IGSF21: variants seen among roughly 807,000 people sequenced by gnomAD.
IGSF21 encodes the protein immunoglobin superfamily member 21.
Under a neutral mutation model 46.8 loss-of-function variants are expected in IGSF21, and 28 were observed. The observed-to-expected ratio is 0.60, with a 90% confidence interval of 0.44 to 0.82. The LOEUF (loss-of-function observed/expected upper bound fraction) is 0.82, where lower values mean the gene tolerates loss of function less well. Among genes scored for constraint, IGSF21 ranks in the 40% least tolerant of loss-of-function variants. IGSF21 has a pLI of 0.00. For missense variants in IGSF21, 624 were observed against 665.5 expected, an observed-to-expected ratio of 0.94 and a Z score of 0.69; for synonymous variants, 284 against 273.6, an observed-to-expected ratio of 1.04 and a Z score of -0.38.
chr1:18,282,235 T>C (rs531587720), intron 2 of IGSF21, among the ~76,000 whole-genome samples: 20 of 152,180 alleles, frequency 1.3e-4, no homozygotes, highest in Non-Finnish European at 2.1e-4. Context: ...ATGACGCTTG[T>C]TAAAAATGCA....
rs61689671 is a variant in IGSF21 at position 18,378,369 on chromosome 1, C to T, written c.*43C>T. The T allele has an allele frequency of 8.5e-3, 12,515 of 1,473,622 alleles. 584 individuals carry two copies. In the East Asian group the frequency reaches 0.14, roughly 16 times the overall value. The allele number at this position is 1,473,622 out of a possible 1,614,324, so 91.3% of individuals were successfully genotyped here. A position where few individuals can be genotyped will look rare whatever the true frequency, so the allele number is the denominator to read the frequency against. On this transcript the variant is annotated 3_prime_UTR_variant, in exon 10 of 10. Transcript: ENST00000251296. ...ACTCCATCAGGCACTGACATCTCCA[C>T]GACCGGTTTTCATTTCTTTTCTAAA...
intron 2 of IGSF21, among the ~76,000 whole-genome samples, chr1:18,281,697 C>T (rs890928769): frequency 5.3e-5 from 8 of 152,128 alleles, no homozygotes; most frequent in South Asian, 2.1e-4. Context: ...AAAGAGCCCC[C>T]GAGCCCCTCT....
intron 1 of IGSF21, chr1:18,114,567 T>C (rs2086172179): frequency 6.6e-6 from 1 of 152,248 alleles, no homozygotes; most frequent in Non-Finnish European, 1.5e-5. Context: ...CTACATTCTT[T>C]CTTTCTGCAG....
At chr1:18,167,563 C>A (rs552885031) in intron 1 of IGSF21, among the ~76,000 whole-genome samples, 1 of 152,262 alleles carries the variant, frequency 6.6e-6, no homozygotes, top group Admixed American at 6.5e-5. Flanking sequence ...CCACCACCCA[C>A]CTGCCTTGCC....
chr1:18,359,462 G>GGGAAGGAAGGAAGGAAGGAAGGAA (rs200525577), intron 4 of IGSF21, among the ~76,000 whole-genome samples: 38 of 74,876 alleles, frequency 5.1e-4, no homozygotes, highest in South Asian at 5.8e-4. Context: ...AAGAAAGAAA[G>GGGAAGGAAGGAAGGAAGGAAGGAA]GGAAGGAAGG....
At chr1:18,224,926 A>G (rs891553819) in intron 1 of IGSF21, among the ~76,000 whole-genome samples, 1 of 151,866 alleles carries the variant, frequency 6.6e-6, no homozygotes, top group African/African-American at 2.4e-5. Flanking sequence ...TTAGCTGGGT[A>G]TGGTGGCAAG....
At chr1:18,218,815 G>C (rs927198819) in intron 1 of IGSF21, among the ~76,000 whole-genome samples, 1 of 152,194 alleles carries the variant, frequency 6.6e-6, no homozygotes, top group Non-Finnish European at 1.5e-5. Flanking sequence ...CTATGAAAAT[G>C]CTTGAACAAG....
intron 1 of IGSF21, among the ~76,000 whole-genome samples, chr1:18,142,734 T>G (rs2086428526): frequency 6.6e-6 from 1 of 152,198 alleles, no homozygotes; most frequent in Non-Finnish European, 1.5e-5. Flanking sequence ...ATATGCAAAT[T>G]GGGGGGCTGA....
At chr1:18,138,621 G>A (rs2086387765) in intron 1 of IGSF21, among the ~76,000 whole-genome samples, 1 of 152,156 alleles carries the variant, frequency 6.6e-6, no homozygotes, top group South Asian at 2.1e-4. Context: ...GACATACTCT[G>A]AATCACCTGG....
chr1:18,321,141 TATG>T (rs1437829913), intron 3 of IGSF21, among the ~76,000 whole-genome samples: 4 of 152,178 alleles, frequency 2.6e-5, no homozygotes, highest in Admixed American at 2.6e-4. Flanking sequence ...GAGGGACCCA[TATG>T]ATGCATTCTT....
At chr1:18,351,465 C>T (rs912195159) in intron 4 of IGSF21, among the ~76,000 whole-genome samples, 2 of 152,200 alleles carry the variant, frequency 1.3e-5, no homozygotes, top group African/African-American at 4.8e-5. Context: ...GGCCTGTACA[C>T]GGTTTTCCTG....
At chr1:18,141,501 G>T (rs2086414959) in intron 1 of IGSF21, among the ~76,000 whole-genome samples, 1 of 152,096 alleles carries the variant, frequency 6.6e-6, no homozygotes, top group Non-Finnish European at 1.5e-5. Context: ...AGGGCAGGGG[G>T]TTGGGGGAGA....
chr1:18,148,916 A>C (rs1461526956), intron 1 of IGSF21, among the ~76,000 whole-genome samples: 1 of 152,188 alleles, frequency 6.6e-6, no homozygotes, highest in Non-Finnish European at 1.5e-5. Context: ...CTGCACACAC[A>C]AGTTAGTGTC....
rs1303193111 is a variant in IGSF21 at position 18,273,443 on chromosome 1, TCA to T, written c.184-18421_184-18420del. ...TCCTTTCCTTTCCTTTCTTTCTTTC[TCA>T]CTTTCTTTCTTTCTCTCTCTTTCTT... On this transcript the variant is annotated intron_variant, in intron 2 of 9. Transcript: ENST00000251296. 2.3e-3 allele frequency among the ~76,000 whole-genome samples: 250 copies of T among 110,002 alleles called. 14 individuals carry two copies. The highest frequency in any genetic ancestry group is 8.7e-3 in the African/African-American group (233 of 26,752). The allele number at this position is 110,002 out of a possible 152,430, so 72.2% of individuals were successfully genotyped here.
intron 1 of IGSF21, among the ~76,000 whole-genome samples, chr1:18,215,214 C>A (rs1026561817): frequency 2.0e-5 from 3 of 152,178 alleles, no homozygotes; most frequent in African/African-American, 7.2e-5. Flanking sequence ...ACCATATCAC[C>A]TGTAGAACTT....
intron 4 of IGSF21, among the ~76,000 whole-genome samples, chr1:18,345,472 C>A (rs1382186569): frequency 6.6e-6 from 1 of 152,168 alleles, no homozygotes; most frequent in Non-Finnish European, 1.5e-5. Flanking sequence ...GCAACCTCCG[C>A]CTCCTGAGTT....
At chr1:18,195,171 C>T (rs989282851) in intron 1 of IGSF21, among the ~76,000 whole-genome samples, 1 of 152,208 alleles carries the variant, frequency 6.6e-6, no homozygotes, top group Non-Finnish European at 1.5e-5. Context: ...CTTCACAGAG[C>T]ATCCAGAAAG....
chr1:18,182,764 G>A (rs549942755), intron 1 of IGSF21, among the ~76,000 whole-genome samples: 10 of 152,188 alleles, frequency 6.6e-5, no homozygotes, highest in African/African-American at 2.4e-4. Context: ...CACCCCTCGA[G>A]GGGGGTCATC....
At chr1:18,241,514 T>C (rs2084727771) in intron 2 of IGSF21, among the ~76,000 whole-genome samples, 2 of 152,236 alleles carry the variant, frequency 1.3e-5, no homozygotes, top group African/African-American at 4.8e-5. Context: ...CCCAACTCTC[T>C]GACTACAAAG....
Sources: allele counts gnomAD v4.1 joint callset (sites outside exome capture counted in the v4.1 genomes callset), GRCh38; gene constraint gnomAD v4.1.1; transcripts MANE v1.5; gene names NCBI Gene and HGNC (gene_info 2026-07-23, HGNC 2026-07-21).